The following UNC13C variants were observed in gnomAD, a reference collection of about 807,000 sequenced individuals.
UNC13C encodes unc-13 homolog C.
A neutral mutation model predicts 245.4 loss-of-function variants in UNC13C; 174 were observed. The ratio of observed to expected loss-of-function variants is 0.71; its 90% confidence interval spans 0.63 to 0.80. The LOEUF (loss-of-function observed/expected upper bound fraction) is 0.80, where lower values mean the gene tolerates loss of function less well. UNC13C is among the 30% of genes least tolerant of loss of function. UNC13C has a pLI of 0.00. For missense variants in UNC13C, 2,829 were observed against 2,602.9 expected (o/e 1.09, Z -1.89); for synonymous variants, 992 against 895.1 (o/e 1.11, Z -1.93).
At chr15:54,088,258 C>T (rs1225114188) in intron 2 of UNC13C, among the ~76,000 whole-genome samples, 2 of 129,618 alleles carry the variant, frequency 1.5e-5, no homozygotes, top group African/African-American at 5.8e-5. Flanking sequence ...AGTTCATCTC[C>T]TTTCATGGCC....
At chr15:54,429,300 G>T (rs1367080867) in intron 19 of UNC13C, among the ~76,000 whole-genome samples, 12 of 151,652 alleles carry the variant, frequency 7.9e-5, no homozygotes, top group Non-Finnish European at 1.8e-4. Context: ...TAATTATTGT[G>T]ATTGAAAGAG....
intron 30 of UNC13C, among the ~76,000 whole-genome samples, chr15:54,589,069 C>T (rs934507540): frequency 6.6e-6 from 1 of 152,022 alleles, no homozygotes; most frequent in African/African-American, 2.4e-5. Flanking sequence ...CACTATTTTC[C>T]ATAGCAGCTG....
chr15:53,966,615 GA>G, the UNC13C span, among the ~76,000 whole-genome samples: 1 of 151,840 alleles, frequency 6.6e-6, no homozygotes, highest in Non-Finnish European at 1.5e-5. Context: ...CCAAAATTCT[GA>G]AGACAGTTTA....
the UNC13C span, among the ~76,000 whole-genome samples, chr15:53,921,204 T>C: frequency 1.3e-5 from 2 of 152,110 alleles, no homozygotes; most frequent in Non-Finnish European, 2.9e-5. Flanking sequence ...TTACTCTAAA[T>C]GTGTATGGGA....
At chr15:54,470,285 C>T (rs990326083) in intron 19 of UNC13C, among the ~76,000 whole-genome samples, 1 of 151,464 alleles carries the variant, frequency 6.6e-6, no homozygotes, top group Non-Finnish European at 1.5e-5. Flanking sequence ...GTATTCCTAC[C>T]TCTTCAATAT....
intron 30 of UNC13C, among the ~76,000 whole-genome samples, chr15:54,576,032 A>G (rs973557919): frequency 6.6e-6 from 1 of 152,224 alleles, no homozygotes; most frequent in Non-Finnish European, 1.5e-5. Context: ...GTTGACTCCA[A>G]AAGTAGAAAT....
upstream of UNC13C, among the ~76,000 whole-genome samples, chr15:53,976,445 T>C (rs1341558548): frequency 1.3e-5 from 2 of 150,200 alleles, no homozygotes; most frequent in Middle Eastern, 3.2e-3. Flanking sequence ...ACATGGTGTT[T>C]TTTTTTCTTC....
chr15:53,951,965 T>C, the UNC13C span, among the ~76,000 whole-genome samples: 1 of 152,160 alleles, frequency 6.6e-6, no homozygotes, highest in African/African-American at 2.4e-5. Context: ...CCTCTGTAAA[T>C]GGAAAACGTT....
At chr15:53,929,989 A>T in the UNC13C span, among the ~76,000 whole-genome samples, 2 of 152,194 alleles carry the variant, frequency 1.3e-5, no homozygotes, top group African/African-American at 2.4e-5. Flanking sequence ...GAAAATGACA[A>T]TGGTTTATTA....
chr15:54,486,765 C>A (rs1042324699), intron 19 of UNC13C, among the ~76,000 whole-genome samples: 1 of 152,116 alleles, frequency 6.6e-6, no homozygotes, highest in Non-Finnish European at 1.5e-5. Context: ...CTTTCCATCC[C>A]ATTCTTTTTC....
At chr15:54,116,210 A>G (rs2030233018) in intron 2 of UNC13C, among the ~76,000 whole-genome samples, 1 of 152,148 alleles carries the variant, frequency 6.6e-6, no homozygotes. Flanking sequence ...TTTAATGTGT[A>G]TATATCAAAC....
Position 54,014,796 on chromosome 15 carries a change from T to C in UNC13C, c.1893T>C (p.Asn631=). 1 of 1,613,846 alleles carries C rather than the reference T, an allele frequency of 6.2e-7. No homozygotes were observed. ...AAACTGTGGATAGTGGAATGAGTAA[T>C]GGCATGGTGTGTGCATCTGGAGACC... ...NTETVDSGMS[N]GMVCASGDRS... Residue 631 remains asparagine (N), a synonymous_variant, in exon 2 of 33, where the codon AAT becomes AAC. Coordinates refer to ENST00000260323, the MANE Select transcript of UNC13C (RefSeq NM_001080534.3).
At chr15:54,487,213 T>C (rs1446975882) in intron 19 of UNC13C, among the ~76,000 whole-genome samples, 1 of 152,146 alleles carries the variant, frequency 6.6e-6, no homozygotes, top group Non-Finnish European at 1.5e-5. Context: ...TCATTCCGGG[T>C]TTCTGCTGAG....
chr15:54,449,153 C>T (rs574743170), intron 19 of UNC13C, among the ~76,000 whole-genome samples: 1 of 152,332 alleles, frequency 6.6e-6, no homozygotes, highest in East Asian at 1.9e-4. Context: ...CACTGTTAGT[C>T]TTATGGGCTT....
intron 2 of UNC13C, among the ~76,000 whole-genome samples, chr15:54,075,449 CG>C (rs1566993362): frequency 3.5e-4 from 50 of 144,224 alleles, no homozygotes; most frequent in East Asian, 2.8e-3. Flanking sequence ...TGCAGTGAGC[CG>C]GAGCTTGCAG....
chr15:54,257,854 G>C (rs1016703006), intron 8 of UNC13C, among the ~76,000 whole-genome samples: 9 of 152,116 alleles, frequency 5.9e-5, no homozygotes, highest in Admixed American at 1.3e-4. Context: ...AAAAGAGGAG[G>C]GTTCGTATTA....
chr15:53,941,471 G>A, the UNC13C span, among the ~76,000 whole-genome samples: 5 of 152,128 alleles, frequency 3.3e-5, no homozygotes, highest in Non-Finnish European at 5.9e-5. Flanking sequence ...TAGAGTTTCT[G>A]CAATCAAAAG....
intron 4 of UNC13C, among the ~76,000 whole-genome samples, chr15:54,228,273 G>A (rs904600469): frequency 6.6e-6 from 1 of 152,104 alleles, no homozygotes; most frequent in African/African-American, 2.4e-5. Context: ...CTGGCCCAGG[G>A]AAGGTCCAGA....
chr15:54,345,387 G>T (rs1380267919), intron 17 of UNC13C, among the ~76,000 whole-genome samples: 1 of 152,138 alleles, frequency 6.6e-6, no homozygotes, highest in Non-Finnish European at 1.5e-5. Flanking sequence ...AAAGCCTCTT[G>T]CACTTACTCT....
Sources: allele counts gnomAD v4.1 joint callset (sites outside exome capture counted in the v4.1 genomes callset), GRCh38; gene constraint gnomAD v4.1.1; transcripts MANE v1.5; gene names NCBI Gene and HGNC (gene_info 2026-07-23, HGNC 2026-07-21).